The following SMOC1 variants were observed in gnomAD, a reference collection of about 807,000 sequenced individuals.
SMOC1 encodes the protein SPARC-related modular calcium-binding protein 1.
In SMOC1, 22 loss-of-function variants were observed where a neutral mutation model predicts 56.3. The observed-to-expected ratio is 0.39, with a 90% CI of 0.28 to 0.56. The LOEUF is 0.56. Ranked by LOEUF, SMOC1 falls within the 20% of genes least tolerant of loss-of-function variation. SMOC1 has a pLI of 0.61. For missense variants in SMOC1, 509 were observed against 565.4 expected, an observed-to-expected ratio of 0.90 and a Z score of 1.01; for synonymous variants, 193 against 215.0, an observed-to-expected ratio of 0.90 and a Z score of 0.89.
chr14:70,030,572 TGAG>T lies in SMOC1; in HGVS notation c.*315_*317del. 2.4e-6 allele frequency: 1 copy of T among 424,012 alleles called. No individual in the cohort carries two copies. Among genetic ancestry groups the T allele is most frequent in the East Asian group, 3.7e-5 (1 of 26,828 alleles). 26.3% of individuals were successfully genotyped at this position (424,012 alleles called of 1,614,324 possible). ...GGGTGGGGGAGGGTGTTGTTGGGGC[TGAG>T]AAGAAAGAGATTTATATGCTGTATA... On this transcript the variant is annotated 3_prime_UTR_variant, in exon 12 of 12. Transcript: ENST00000361956.
chr14:69,932,598 G>A (rs928533971), intron 1 of SMOC1, among the ~76,000 whole-genome samples: 5 of 152,212 alleles, frequency 3.3e-5, no homozygotes, highest in African/African-American at 7.2e-5. Flanking sequence ...CTCAAAGGCC[G>A]GATTAGGCAC....
At chr14:70,018,591 A>G (rs991864316) in intron 10 of SMOC1, among the ~76,000 whole-genome samples, 2 of 152,220 alleles carry the variant, frequency 1.3e-5, no homozygotes, top group African/African-American at 4.8e-5. Flanking sequence ...CCCTTAGAAC[A>G]GCCTTCCCAC....
chr14:69,996,326 T>C (rs535275717), intron 7 of SMOC1, among the ~76,000 whole-genome samples: 1 of 152,334 alleles, frequency 6.6e-6, no homozygotes, highest in Admixed American at 6.5e-5. Context: ...CCCTATGAGA[T>C]AGCTATTGTT....
intron 1 of SMOC1, among the ~76,000 whole-genome samples, chr14:69,890,635 G>A (rs1883935286): frequency 6.6e-6 from 1 of 152,126 alleles, no homozygotes; most frequent in Non-Finnish European, 1.5e-5. Flanking sequence ...GACACAATTG[G>A]CCTGTATTCA....
chr14:69,928,385 A>G (rs372196179), intron 1 of SMOC1, among the ~76,000 whole-genome samples: 1 of 152,238 alleles, frequency 6.6e-6, no homozygotes, highest in African/African-American at 2.4e-5. Context: ...GCAAAAATGC[A>G]GTCTCCTCGT....
chr14:69,951,384 A>G (rs1009932569), intron 1 of SMOC1, among the ~76,000 whole-genome samples: 2 of 152,194 alleles, frequency 1.3e-5, no homozygotes, highest in Non-Finnish European at 2.9e-5. Flanking sequence ...TTAATTTACT[A>G]TGCGTCTTGG....
chr14:69,913,963 T>A (rs1716052104), intron 1 of SMOC1, among the ~76,000 whole-genome samples: 1 of 152,206 alleles, frequency 6.6e-6, no homozygotes, highest in Admixed American at 6.5e-5. Flanking sequence ...ATGCTCAAGT[T>A]CACTACAGAG....
At chr14:69,968,554 G>A (rs1331004805) in intron 3 of SMOC1, among the ~76,000 whole-genome samples, 1 of 152,136 alleles carries the variant, frequency 6.6e-6, no homozygotes, top group East Asian at 1.9e-4. Flanking sequence ...CAGAGCAGCT[G>A]AAAATACTGC....
chr14:70,023,333 A>G lies in SMOC1; in HGVS notation c.1177A>G (p.Lys393Glu). 6.2e-7 allele frequency: 1 copy of G among 1,614,180 alleles called. No homozygotes were observed. The highest frequency in any genetic ancestry group is 8.5e-7 in the Non-Finnish European group (1 of 1,180,036). Residue 393 changes from lysine to glutamate, a missense_variant, in exon 11 of 12, where the codon AAG (lysine) becomes GAG (glutamate). Coordinates refer to ENST00000361956, the MANE Select transcript of SMOC1 (RefSeq NM_001034852.3). ...GAAGCCCTTCAAGCGCTACGTGAAG[A>G]AGAAAGCCAAGCCCAAGAAATGTGC... is the stretch of plus-strand genomic sequence containing the variant. ...EMKPFKRYVKKKAKPKKCARR... is the reference protein window; with the variant it reads ...EMKPFKRYVKEKAKPKKCARR...
chr14:69,975,253 G>T (rs1371664447), intron 3 of SMOC1, among the ~76,000 whole-genome samples: 1 of 152,152 alleles, frequency 6.6e-6, no homozygotes, highest in Admixed American at 6.6e-5. Flanking sequence ...TGAGGCAGGA[G>T]AATCGCTTGA....
chr14:69,920,453 A>G (rs150257363), intron 1 of SMOC1, among the ~76,000 whole-genome samples: 1 of 152,336 alleles, frequency 6.6e-6, no homozygotes, highest in Non-Finnish European at 1.5e-5. Flanking sequence ...ACGTAGAATC[A>G]TAATTTATGT....
chr14:70,023,306 A>G lies in SMOC1; in HGVS notation c.1150A>G (p.Met384Val). 6.2e-7 allele frequency: 1 copy of G among 1,614,168 alleles called. No homozygotes were observed. Among genetic ancestry groups the G allele is most frequent in the Non-Finnish European group, 8.5e-7 (1 of 1,180,034 alleles). ...CAGCAACGACATTAACAAGCGGGAG[A>G]TGAAGCCCTTCAAGCGCTACGTGAA... ...NSSNDINKRE[M>V]KPFKRYVKKK... Residue 384 changes from methionine (M) to valine (V), a missense_variant, in exon 11 of 12, where the codon ATG becomes GTG. By Grantham distance (21) the Met-to-Val change is conservative. Coordinates refer to ENST00000361956, the MANE Select transcript of SMOC1 (RefSeq NM_001034852.3).
At chr14:69,959,886 A>G (rs1298311769) in intron 3 of SMOC1, among the ~76,000 whole-genome samples, 1 of 152,210 alleles carries the variant, frequency 6.6e-6, no homozygotes, top group Non-Finnish European at 1.5e-5. Context: ...CTAGGGAAAT[A>G]CACACTTGTT....
chr14:70,028,299 TTGCCTTGTCTGAGGA>T (rs761744515), intron 11 of SMOC1, among the ~76,000 whole-genome samples: 6 of 152,168 alleles, frequency 3.9e-5, no homozygotes, highest in Non-Finnish European at 8.8e-5. Flanking sequence ...CGCTCTTCTT[TTGCCTTGTCTGAGGA>T]TGCCAACTGC....
intron 1 of SMOC1, among the ~76,000 whole-genome samples, chr14:69,904,128 G>T (rs1313855733): frequency 1.3e-5 from 2 of 152,154 alleles, no homozygotes; most frequent in African/African-American, 4.8e-5. Flanking sequence ...TAAGCCACAA[G>T]GTCTTGGGGG....
At chr14:70,028,890 A>C (rs1886032308) in intron 11 of SMOC1, among the ~76,000 whole-genome samples, 1 of 152,228 alleles carries the variant, frequency 6.6e-6, no homozygotes, top group Non-Finnish European at 1.5e-5. Context: ...GAATATTGGC[A>C]TAACCCAGGG....
chr14:69,893,794 C>T (rs906044573), intron 1 of SMOC1, among the ~76,000 whole-genome samples: 9 of 152,132 alleles, frequency 5.9e-5, no homozygotes, highest in Admixed American at 5.9e-4. Context: ...GTCTCAACCC[C>T]TAGGACCCAG....
intron 10 of SMOC1, among the ~76,000 whole-genome samples, chr14:70,022,498 A>G (rs964534978): frequency 6.6e-6 from 1 of 151,992 alleles, no homozygotes; most frequent in Non-Finnish European, 1.5e-5. Flanking sequence ...CCTGACTAAA[A>G]CCTCAGGCTG....
intron 11 of SMOC1, among the ~76,000 whole-genome samples, chr14:70,024,981 T>A (rs1332864972): frequency 6.6e-6 from 1 of 151,820 alleles, no homozygotes; most frequent in Non-Finnish European, 1.5e-5. Flanking sequence ...GTAAGGGGAA[T>A]GGAGAGAAGT....
Sources: allele counts gnomAD v4.1 joint callset (sites outside exome capture counted in the v4.1 genomes callset), GRCh38; gene constraint gnomAD v4.1.1; transcripts MANE v1.5; gene names NCBI Gene and HGNC (gene_info 2026-07-23, HGNC 2026-07-21).